Variants in IL13RA1 observed in about 807,000 individuals in gnomAD.
The protein encoded by IL13RA1 is interleukin 13 receptor subunit alpha 1, also known as interleukin-13 receptor subunit alpha-1.
IL13RA1 carries 14 observed loss-of-function variants against 33.8 expected under a neutral mutation model. The ratio of observed to expected loss-of-function variants is 0.41; its 90% CI spans 0.27 to 0.65. The LOEUF is 0.65. IL13RA1 is among the 30% of genes least tolerant of loss of function. The pLI is 0.28. For missense variants in IL13RA1, 313 were observed against 327.0 expected, an observed-to-expected ratio of 0.96 and a Z score of 0.33; for synonymous variants, 116 against 115.7, an observed-to-expected ratio of 1.00 and a Z score of -0.02.
intron 8 of IL13RA1, among the ~76,000 whole-genome samples, chrX:118,768,360 G>T (rs1389821776): frequency 8.9e-6 from 1 of 111,955 alleles, no homozygotes; most frequent in Non-Finnish European, 1.9e-5. Flanking sequence ...TTAGCTGGAG[G>T]TCTCATGAGG....
chrX:118,758,068 G>GA lies in IL13RA1; in HGVS notation c.508dup (p.Ile170AsnfsTer5), dbSNP rs2147380895. On this transcript the variant is annotated frameshift_variant, in exon 5 of 11. Transcript: ENST00000371666. LOFTEE classifies it high-confidence loss of function. Reference sequence around the variant, plus strand: ...TTTATCTTGTAGGCACAGAAGCCTGGAAAAAATTCATCAATGTGAAAACAT... The same window carrying GA: ...TTTATCTTGTAGGCACAGAAGCCTGGAAAAAAATTCATCAATGTGAAAACAT... 8.7e-7 allele frequency: 1 copy of GA among 1,150,630 alleles called. No individual in the cohort carries two copies. Among genetic ancestry groups the GA allele is most frequent in the Non-Finnish European group, 1.2e-6 (1 of 847,474 alleles). The allele number at this position is 1,150,630 out of a possible 1,213,427, so 94.8% of individuals were successfully genotyped here.
intron 8 of IL13RA1, chrX:118,770,615 A>G (rs915306122): frequency 6.6e-6 from 3 of 455,447 alleles, no homozygotes; most frequent in East Asian, 1.1e-4. Context: ...CAGGGCAACT[A>G]CTCAGCTGGG....
intron 10 of IL13RA1, among the ~76,000 whole-genome samples, chrX:118,780,077 A>C (rs995507980): frequency 8.9e-6 from 1 of 112,428 alleles, no homozygotes; most frequent in Non-Finnish European, 1.9e-5. Context: ...AGACCATTAA[A>C]CAAAATCAGT....
chrX:118,749,555 A>C, intron 3 of IL13RA1, 103 bp from the exon 4 acceptor site: 1 of 803,904 alleles, frequency 1.2e-6, no homozygotes, highest in Non-Finnish European at 1.8e-6. Context: ...GCTTTCTGAC[A>C]AAGCAGCATG....
chrX:118,731,588 A>AG (rs1221083634), intron 1 of IL13RA1, among the ~76,000 whole-genome samples: 15 of 111,311 alleles, frequency 1.3e-4, no homozygotes, highest in Non-Finnish European at 2.6e-4. Flanking sequence ...AAAAAAAAAA[A>AG]AAAAAAGCAA....
chrX:118,742,223 TAAAG>T (rs1230613509), intron 2 of IL13RA1, among the ~76,000 whole-genome samples: 1 of 112,326 alleles, frequency 8.9e-6, no homozygotes, highest in Non-Finnish European at 1.9e-5. Context: ...CGTTAATTGA[TAAAG>T]AATTGAGGCT....
chrX:118,742,165 T>C (rs1452924257), intron 2 of IL13RA1, among the ~76,000 whole-genome samples: 1 of 112,315 alleles, frequency 8.9e-6, no homozygotes, highest in Admixed American at 9.5e-5. Context: ...AATTTGCTAA[T>C]CTGCCTTCCT....
At chrX:118,729,921 G>A (rs2017197534) in intron 1 of IL13RA1, among the ~76,000 whole-genome samples, 1 of 112,036 alleles carries the variant, frequency 8.9e-6, no homozygotes, top group Non-Finnish European at 1.9e-5. Context: ...GAAAAGACGA[G>A]AGTCCTTAGC....
rs771087514 is a variant in IL13RA1 at position 118,774,168 on chromosome X, T to TC, written c.1106+195dup. Among the ~76,000 whole-genome samples, 352 of 106,701 alleles carry TC rather than the reference T, an allele frequency of 3.3e-3. 1 individual carries two copies. The highest frequency in any genetic ancestry group is 0.011 in the African/African-American group (333 of 29,138). The allele number at this position is 106,701 out of a possible 115,157, so 92.7% of individuals were successfully genotyped here. The stretch of plus-strand genomic sequence containing the variant: ...TTTTCTTTTCTTTTTTTTTTTTTTT[T>TC]CCTGAGATGGAGTCTCTGTTGCCCA... On this transcript the variant is annotated intron_variant, in intron 9 of 10. Coordinates refer to ENST00000371666, the MANE Select transcript of IL13RA1 (RefSeq NM_001560.3).
chrX:118,779,443 G>T (rs770959526), intron 10 of IL13RA1, among the ~76,000 whole-genome samples: 1 of 111,790 alleles, frequency 8.9e-6, no homozygotes, highest in South Asian at 3.7e-4. Flanking sequence ...ACAGGAGTAA[G>T]AAACTTACCA....
intron 10 of IL13RA1, among the ~76,000 whole-genome samples, chrX:118,782,743 G>T (rs1052935941): frequency 1.9e-5 from 2 of 106,353 alleles, no homozygotes; most frequent in African/African-American, 6.8e-5. Flanking sequence ...GAATACAGGT[G>T]TGCACTACCA....
At chrX:118,771,025 T>C (rs1198701914) in intron 8 of IL13RA1, among the ~76,000 whole-genome samples, 1 of 112,039 alleles carries the variant, frequency 8.9e-6, no homozygotes, top group Non-Finnish European at 1.9e-5. Flanking sequence ...TCTTGGGGGC[T>C]GCTAAACTCT....
intron 8 of IL13RA1, chrX:118,770,907 G>T: frequency 7.9e-6 from 2 of 254,185 alleles, no homozygotes; most frequent in South Asian, 7.7e-5. Flanking sequence ...CCAAAATTCT[G>T]CAAGCTTTTT....
chrX:118,796,264 C>T (rs770018549), downstream of IL13RA1, among the ~76,000 whole-genome samples: 87 of 111,998 alleles, frequency 7.8e-4, no homozygotes, highest in African/African-American at 2.7e-3. Context: ...TTGTTAACGT[C>T]ATTTTACAGA....
At chrX:118,764,590 T>C (rs2495623) in intron 6 of IL13RA1, among the ~76,000 whole-genome samples, 18,451 of 110,514 alleles carry the variant, frequency 0.17, 1,433 homozygotes, top group East Asian at 0.41. Flanking sequence ...GTGAATGACA[T>C]TGAATGTCAA....
At chrX:118,784,149 G>GTATATA (rs1569459460) in intron 10 of IL13RA1, among the ~76,000 whole-genome samples, 2 of 41,332 alleles carry the variant, frequency 4.8e-5, no homozygotes, top group African/African-American at 9.9e-5. Context: ...ATATATATAC[G>GTATATA]TATATACACA....
rs140124191 is a variant in IL13RA1 at position 118,787,292 on chromosome X, C to A, written c.1192-4470C>A. On this transcript the variant is annotated intron_variant, in intron 10 of 10. Coordinates refer to ENST00000371666, the MANE Select transcript of IL13RA1 (RefSeq NM_001560.3). ...ACATGTCAGCAGGTTCCATGATGCC[C>A]CCTAAGCCGTAAAACCAGCAAGTTT... Among the ~76,000 whole-genome samples the A allele has an allele frequency of 7.8e-3, 871 of 111,298 alleles. 2 individuals carry two copies. Among genetic ancestry groups the A allele is most frequent in the Admixed American group, 0.014 (150 of 10,451 alleles).
chrX:118,786,663 TCTC>T (rs1239533269), intron 10 of IL13RA1, among the ~76,000 whole-genome samples: 1 of 112,181 alleles, frequency 8.9e-6, no homozygotes, highest in African/African-American at 3.2e-5. Flanking sequence ...CATTCTGAAA[TCTC>T]CTGGCCCTTT....
At chrX:118,790,858 C>T (rs891407347) in intron 10 of IL13RA1, among the ~76,000 whole-genome samples, 1 of 111,920 alleles carries the variant, frequency 8.9e-6, no homozygotes, top group South Asian at 3.7e-4. Context: ...GTGCAGAAAA[C>T]GAGCTTAGAC....
Sources: gnomAD v4.1 joint callset for allele counts (sites outside exome capture counted in the v4.1 genomes callset) on GRCh38, gnomAD v4.1.1 for gene constraint, MANE v1.5 for transcripts, NCBI Gene and HGNC (gene_info 2026-07-23, HGNC 2026-07-21) for gene names.